GFOD1: variants seen among roughly 807,000 people sequenced by gnomAD.
GFOD1 encodes Gfo/Idh/MocA-like oxidoreductase domain containing 1, also known as glucose-fructose oxidoreductase domain-containing protein 1.
Under a neutral mutation model 25.4 loss-of-function variants are expected in GFOD1, and 9 were observed. That is an observed-to-expected ratio of 0.35 (90% CI 0.21 to 0.62). GFOD1 has a LOEUF of 0.62. GFOD1 is among the 20% of genes least tolerant of loss of function. The pLI is 0.72. For missense variants in GFOD1, 403 were observed against 556.9 expected, an observed-to-expected ratio of 0.72 and a Z score of 2.78; for synonymous variants, 253 against 245.6, an observed-to-expected ratio of 1.03 and a Z score of -0.28.
At chr6:13,478,129 G>C (rs542190695) in intron 1 of GFOD1, among the ~76,000 whole-genome samples, 25 of 151,786 alleles carry the variant, frequency 1.6e-4, no homozygotes, top group Non-Finnish European at 3.7e-4. Flanking sequence ...TCTACATTTG[G>C]TTTGTTGTTT....
chr6:13,403,762 G>T (rs1438392157), intron 1 of GFOD1, among the ~76,000 whole-genome samples: 1 of 152,182 alleles, frequency 6.6e-6, no homozygotes, highest in Non-Finnish European at 1.5e-5. Context: ...TGTGAAAGAA[G>T]TCTCAGAAGA....
At position 13,486,762 on chromosome 6, in the gene GFOD1, G is replaced by T; in HGVS notation, c.129C>A (p.Ala43=). 6.2e-7 allele frequency: 1 copy of T among 1,614,114 alleles called. No homozygotes were observed. ...TGTAGAAGGGGACACTCATCTCCTTGGCCAGCTCCTCCGCTTCTTCCTGCG... is the reference window on the plus strand; with the variant it reads ...TGTAGAAGGGGACACTCATCTCCTTTGCCAGCTCCTCCGCTTCTTCCTGCG... ...GRTQEEAEEL[A]KEMSVPFYTS... Residue 43 remains alanine, a synonymous_variant, in exon 1 of 2, where the codon GCC becomes GCA. Transcript: ENST00000379287.
intron 1 of GFOD1, chr6:13,486,247 T>TCCCCCCCCCCCCCCCCCCC (rs373896526): frequency 2.6e-5 from 3 of 116,338 alleles, no homozygotes; most frequent in African/African-American, 1.8e-4. Context: ...CACCCCCCCA[T>TCCCCCCCCCCCCCCCCCCC]CCCCCCCCCC....
chr6:13,360,816 C>G lies in GFOD1; in HGVS notation c.*3927G>C. 1 of 456,634 alleles carries G rather than the reference C, an allele frequency of 2.2e-6. No homozygotes were observed. Among genetic ancestry groups the G allele is most frequent in the South Asian group, 1.5e-5 (1 of 64,570 alleles). 28.3% of individuals were successfully genotyped at this position (456,634 alleles called of 1,614,324 possible). Reference sequence around the variant, plus strand: ...TCCTTCCTGGGTGTGAGAGCAGACCCCGTAGACATTGATAAGGAGCGGTTT... The same window carrying G: ...TCCTTCCTGGGTGTGAGAGCAGACCGCGTAGACATTGATAAGGAGCGGTTT... On this transcript the variant is annotated 3_prime_UTR_variant, in exon 2 of 2. Coordinates refer to ENST00000379287, the MANE Select transcript of GFOD1 (RefSeq NM_018988.4).
intron 1 of GFOD1, among the ~76,000 whole-genome samples, chr6:13,478,490 C>T (rs1035822889): frequency 6.6e-6 from 1 of 152,202 alleles, no homozygotes; most frequent in African/African-American, 2.4e-5. Flanking sequence ...AGAATCAGCA[C>T]TTTTCTTGGA....
chr6:13,395,764 C>T (rs189928407), intron 1 of GFOD1, among the ~76,000 whole-genome samples: 2 of 152,328 alleles, frequency 1.3e-5, no homozygotes, highest in East Asian at 3.9e-4. Context: ...GAAGAAACTT[C>T]CTTGGCATCA....
intron 1 of GFOD1, among the ~76,000 whole-genome samples, chr6:13,397,702 T>C (rs961529116): frequency 1.3e-5 from 2 of 152,202 alleles, no homozygotes; most frequent in South Asian, 2.1e-4. Flanking sequence ...CAATTCAGTC[T>C]TAGGAATGAG....
chr6:13,393,291 G>T (rs1217407702), intron 1 of GFOD1, among the ~76,000 whole-genome samples: 3 of 150,010 alleles, frequency 2.0e-5, no homozygotes, highest in Admixed American at 1.3e-4. Context: ...GAGAGGCAGA[G>T]GTTGCAGTGG....
chr6:13,382,085 A>G (rs1011840456), intron 1 of GFOD1, among the ~76,000 whole-genome samples: 2 of 152,132 alleles, frequency 1.3e-5, no homozygotes, highest in African/African-American at 4.8e-5. Flanking sequence ...CAAACCCTCA[A>G]GAGTCAAGGC....
At position 13,373,395 on chromosome 6, in the gene GFOD1, T is replaced by C. The variant is rs536136353; in HGVS notation, c.254-7733A>G. ...GTGTTTAATGTGGAATCTGGGAAAC[T>C]GCTAATACTGGACTGTTTATAAAAA... On this transcript the variant is annotated intron_variant, in intron 1 of 1. Coordinates refer to ENST00000379287, the MANE Select transcript of GFOD1 (RefSeq NM_018988.4). Among the ~76,000 whole-genome samples the C allele has an allele frequency of 4.6e-5, 7 of 152,324 alleles. No homozygotes were observed. The East Asian group carries it at 1.3e-3, about 29-fold the overall frequency.
intron 1 of GFOD1, among the ~76,000 whole-genome samples, chr6:13,479,792 G>T (rs970323227): frequency 1.3e-5 from 2 of 152,188 alleles, no homozygotes; most frequent in African/African-American, 2.4e-5. Flanking sequence ...ATGCCCAAGG[G>T]CTTCCTCGGC....
intron 1 of GFOD1, among the ~76,000 whole-genome samples, chr6:13,408,546 G>A (rs1176586497): frequency 1.3e-5 from 2 of 152,144 alleles, no homozygotes; most frequent in African/African-American, 4.8e-5. Flanking sequence ...CAGGACCTGA[G>A]GAAAGTAGGC....
At chr6:13,483,167 T>C (rs1246861568) in intron 1 of GFOD1, among the ~76,000 whole-genome samples, 1 of 150,968 alleles carries the variant, frequency 6.6e-6, no homozygotes, top group Non-Finnish European at 1.5e-5. Flanking sequence ...AAATAGGTGC[T>C]AGGCAAGATG....
intron 1 of GFOD1, among the ~76,000 whole-genome samples, chr6:13,375,050 A>G (rs990569329): frequency 6.6e-6 from 1 of 152,150 alleles, no homozygotes; most frequent in Non-Finnish European, 1.5e-5. Flanking sequence ...TGCCAAAGAA[A>G]TCAAATCTTT....
At chr6:13,443,321 T>C (rs1465846721) in intron 1 of GFOD1, among the ~76,000 whole-genome samples, 1 of 152,244 alleles carries the variant, frequency 6.6e-6, no homozygotes, top group Non-Finnish European at 1.5e-5. Context: ...CTGAACACTG[T>C]TGTAATGATA....
At chr6:13,398,227 A>G (rs1051131308) in intron 1 of GFOD1, among the ~76,000 whole-genome samples, 2 of 152,250 alleles carry the variant, frequency 1.3e-5, no homozygotes, top group Non-Finnish European at 2.9e-5. Flanking sequence ...ATTAAATGAG[A>G]TCAGGTATGT....
rs1287708086 is a variant in GFOD1 at position 13,477,150 on chromosome 6, AGGTGGCCTTG to A, written c.253+9478_253+9487del. The stretch of plus-strand genomic sequence containing the variant: ...ATTTCCTTGCTCAGCTTGCCTAGCC[AGGTGGCCTTG>A]ATCCAGGCAAAATCTGTATTAGTCA... On this transcript the variant is annotated intron_variant, in intron 1 of 1. Coordinates refer to ENST00000379287, the MANE Select transcript of GFOD1 (RefSeq NM_018988.4). Among the ~76,000 whole-genome samples, 35 of 151,926 alleles carry A rather than the reference AGGTGGCCTTG, an allele frequency of 2.3e-4. 1 individual carries two copies. The highest frequency in any genetic ancestry group is 6.8e-3 in the Middle Eastern group (2 of 294).
chr6:13,425,410 G>C (rs1031553174), intron 1 of GFOD1, among the ~76,000 whole-genome samples: 6 of 152,160 alleles, frequency 3.9e-5, no homozygotes, highest in African/African-American at 1.4e-4. Context: ...AATCCAAGCA[G>C]TCTGGCCCCA....
At chr6:13,420,891 G>C (rs2327673) in intron 1 of GFOD1, among the ~76,000 whole-genome samples, 25,015 of 152,168 alleles carry the variant, frequency 0.16, 2,554 homozygotes, top group Middle Eastern at 0.32. Flanking sequence ...ATTGTACATA[G>C]AAGAATTCAC....
Sources: gnomAD v4.1 joint callset for allele counts (sites outside exome capture counted in the v4.1 genomes callset) on GRCh38, gnomAD v4.1.1 for gene constraint, MANE v1.5 for transcripts, NCBI Gene and HGNC (gene_info 2026-07-23, HGNC 2026-07-21) for gene names.